MRPS28: variants seen among roughly 807,000 people sequenced by gnomAD.
The protein encoded by MRPS28 is mitochondrial ribosomal protein S28.
A neutral mutation model predicts 10.8 loss-of-function variants in MRPS28; 7 were observed. That is an observed-to-expected ratio of 0.65 (90% CI 0.37 to 1.22). MRPS28 has a LOEUF of 1.22. MRPS28 is among the 50% of genes most tolerant of loss of function. The pLI, the probability that MRPS28 is intolerant of heterozygous loss-of-function variation, is 0.02. For synonymous variants in MRPS28, 121 were observed against 93.3 expected, an observed-to-expected ratio of 1.30 and a Z score of -1.71; for missense variants, 265 against 232.9, an observed-to-expected ratio of 1.14 and a Z score of -0.90.
Position 79,920,728 on chromosome 8 carries a change from T to C in MRPS28, c.396-1580A>G, listed in dbSNP as rs551178211. 6.6e-5 allele frequency among the ~76,000 whole-genome samples: 10 copies of C among 152,290 alleles called. No homozygotes were observed. In the East Asian group the frequency reaches 1.9e-3, roughly 29 times the overall value. Reference sequence around the variant, plus strand: ...AGTAGATTGCAAAAATTTTCTCCCATTCTGTAGGTTACCTCTTCACTCTGA... The same window carrying C: ...AGTAGATTGCAAAAATTTTCTCCCACTCTGTAGGTTACCTCTTCACTCTGA... On this transcript the variant is annotated intron_variant, in intron 2 of 2. Transcript: ENST00000276585.
intron 2 of MRPS28, among the ~76,000 whole-genome samples, chr8:79,991,930 CT>C (rs1808375995): frequency 2.5e-5 from 1 of 39,844 alleles, no homozygotes; most frequent in Non-Finnish European, 9.9e-5. Context: ...CTCTCTCTCT[CT>C]CTCTCTCTCT....
At position 79,918,734 on chromosome 8, in the gene MRPS28, G is replaced by A. The variant is rs1383947920; in HGVS notation, c.*246C>T. ...CATGCACATAGACAGCACTCAAAAC[G>A]TATTTATTGAATGACAATTTCTTAG... On this transcript the variant is annotated 3_prime_UTR_variant, in exon 3 of 3. Coordinates refer to ENST00000276585, the MANE Select transcript of MRPS28 (RefSeq NM_014018.3). The A allele has an allele frequency of 5.0e-5, 9 of 178,598 alleles. No homozygotes were observed. Among genetic ancestry groups the A allele is most frequent in the East Asian group, 2.7e-4 (2 of 7,326 alleles). 11.1% of individuals were successfully genotyped at this position (178,598 alleles called of 1,614,324 possible).
chr8:79,960,636 C>T (rs978195190), intron 2 of MRPS28, among the ~76,000 whole-genome samples: 6 of 151,948 alleles, frequency 3.9e-5, no homozygotes, highest in Non-Finnish European at 7.4e-5. Context: ...ATATGTGTGG[C>T]TTAGTTTTAT....
At chr8:79,969,293 T>C (rs187967223) in intron 2 of MRPS28, among the ~76,000 whole-genome samples, 6 of 152,352 alleles carry the variant, frequency 3.9e-5, no homozygotes, top group Admixed American at 2.6e-4. Context: ...GGGCTTAGGT[T>C]ATCTTTTTAA....
At chr8:79,954,268 G>T (rs1807149583) in intron 2 of MRPS28, among the ~76,000 whole-genome samples, 1 of 151,920 alleles carries the variant, frequency 6.6e-6, no homozygotes, top group African/African-American at 2.4e-5. Flanking sequence ...TAGCCTCTTT[G>T]GAAAATGGTT....
At chr8:79,966,881 G>A (rs915140378) in intron 2 of MRPS28, among the ~76,000 whole-genome samples, 4 of 151,896 alleles carry the variant, frequency 2.6e-5, no homozygotes, top group African/African-American at 7.3e-5. Context: ...TTCTCTGGCC[G>A]GGCTATTCCA....
At chr8:80,018,534 C>A (rs1429291395) in intron 1 of MRPS28, among the ~76,000 whole-genome samples, 1 of 152,014 alleles carries the variant, frequency 6.6e-6, no homozygotes, top group Non-Finnish European at 1.5e-5. Flanking sequence ...ATACTGTTAG[C>A]GGGAACATAA....
At chr8:79,922,100 CTTTAT>C (rs762395062) in intron 2 of MRPS28, among the ~76,000 whole-genome samples, 2 of 151,950 alleles carry the variant, frequency 1.3e-5, no homozygotes, top group East Asian at 1.9e-4. Flanking sequence ...TTTGCTAAAA[CTTTAT>C]TTTAAAGTAA....
At chr8:79,989,063 C>T (rs559391812) in intron 2 of MRPS28, among the ~76,000 whole-genome samples, 6 of 152,166 alleles carry the variant, frequency 3.9e-5, no homozygotes, top group African/African-American at 1.4e-4. Flanking sequence ...GGCAGGTAAC[C>T]AGATGTCCCT....
intron 1 of MRPS28, among the ~76,000 whole-genome samples, chr8:80,018,534 C>T (rs1429291395): frequency 6.6e-5 from 10 of 152,014 alleles, no homozygotes; most frequent in African/African-American, 9.7e-5. Context: ...ATACTGTTAG[C>T]GGGAACATAA....
chr8:79,963,993 T>C (rs1480540775), intron 2 of MRPS28, among the ~76,000 whole-genome samples: 2 of 152,176 alleles, frequency 1.3e-5, no homozygotes, highest in African/African-American at 4.8e-5. Flanking sequence ...TTGATATTTA[T>C]AGAGTTATTG....
At chr8:79,997,785 G>A (rs370926994) in intron 2 of MRPS28, among the ~76,000 whole-genome samples, 4 of 152,162 alleles carry the variant, frequency 2.6e-5, no homozygotes, top group East Asian at 1.9e-4. Flanking sequence ...GCCGGGCATG[G>A]TGGCTTAGCC....
intron 2 of MRPS28, among the ~76,000 whole-genome samples, chr8:79,937,407 A>G (rs1177533306): frequency 6.6e-6 from 1 of 152,206 alleles, no homozygotes; most frequent in African/African-American, 2.4e-5. Flanking sequence ...GGGCAGAAAA[A>G]TCTTAGATTT....
chr8:80,004,109 G>C (rs1189067735), intron 1 of MRPS28, among the ~76,000 whole-genome samples: 1 of 152,186 alleles, frequency 6.6e-6, no homozygotes, highest in East Asian at 1.9e-4. Context: ...AGACGTAAAT[G>C]TCCCTGTCTG....
At position 80,003,337 on chromosome 8, in the gene MRPS28, T is replaced by C. The variant is rs114545448; in HGVS notation, c.214-157A>G. 1.6e-3 allele frequency among the ~76,000 whole-genome samples: 250 copies of C among 152,352 alleles called. 1 individual carries two copies. Among genetic ancestry groups the C allele is most frequent in the African/African-American group, 5.8e-3 (242 of 41,588 alleles). On this transcript the variant is annotated intron_variant, in intron 1 of 2. Transcript: ENST00000276585. ...GCCAGTTATGCTCTTCAACTTCCTCTTCCATCCTTTCCTTCCTGAAGAGGA... is the reference window on the plus strand; with the variant it reads ...GCCAGTTATGCTCTTCAACTTCCTCCTCCATCCTTTCCTTCCTGAAGAGGA...
chr8:79,956,752 G>A (rs1807226724), intron 2 of MRPS28: 1 of 152,078 alleles, frequency 6.6e-6, no homozygotes, highest in Non-Finnish European at 1.5e-5. Flanking sequence ...TTCTGTTCCT[G>A]TGTTAGTTTG....
intron 2 of MRPS28, among the ~76,000 whole-genome samples, chr8:79,985,997 C>T (rs199706008): frequency 6.6e-6 from 1 of 152,156 alleles, no homozygotes; most frequent in Non-Finnish European, 1.5e-5. Context: ...AGACTAATAT[C>T]CTTGATGAAC....
chr8:80,009,666 G>A (rs560752646), intron 1 of MRPS28, among the ~76,000 whole-genome samples: 3 of 151,988 alleles, frequency 2.0e-5, no homozygotes, highest in Non-Finnish European at 4.4e-5. Flanking sequence ...GGTGGAGGAT[G>A]ACAGAGATGT....
At chr8:79,975,629 G>A (rs954634318) in intron 2 of MRPS28, among the ~76,000 whole-genome samples, 16 of 151,804 alleles carry the variant, frequency 1.1e-4, no homozygotes, top group African/African-American at 3.4e-4. Context: ...TAAATAAACG[G>A]CCAAACGTTC....
Sources: gnomAD v4.1 joint callset for allele counts (sites outside exome capture counted in the v4.1 genomes callset) on GRCh38, gnomAD v4.1.1 for gene constraint, MANE v1.5 for transcripts, NCBI Gene and HGNC (gene_info 2026-07-23, HGNC 2026-07-21) for gene names.